Variants in HOMER2 observed in about 807,000 individuals in gnomAD.
The protein encoded by HOMER2 is homer scaffold protein 2, also known as homer protein homolog 2.
A neutral mutation model predicts 47.0 loss-of-function variants in HOMER2; 27 were observed. That is an observed-to-expected ratio of 0.57 (90% CI 0.42 to 0.79). The LOEUF (loss-of-function observed/expected upper bound fraction) is 0.79, where lower values mean the gene tolerates loss of function less well. HOMER2 is among the 30% of genes least tolerant of loss of function. The pLI, the probability that HOMER2 is intolerant of heterozygous loss-of-function variation, is 0.00. For missense variants in HOMER2, 443 were observed against 435.0 expected (o/e 1.02, Z -0.16); for synonymous variants, 161 against 163.8 (o/e 0.98, Z 0.13).
At chr15:82,861,689 T>C (rs917124490) in intron 4 of HOMER2, among the ~76,000 whole-genome samples, 3 of 152,166 alleles carry the variant, frequency 2.0e-5, no homozygotes, top group African/African-American at 4.8e-5. Context: ...GGAAACCAAG[T>C]AATTGTGTGA....
chr15:82,845,958 C>T (rs2051240924), downstream of HOMER2: 1 of 152,298 alleles, frequency 6.6e-6, no homozygotes, highest in African/African-American at 2.4e-5. Context: ...TAGTCCACAG[C>T]AGGCAGGCGC....
intron 1 of HOMER2, among the ~76,000 whole-genome samples, chr15:82,929,812 C>A (rs1410012425): frequency 6.6e-6 from 1 of 151,724 alleles, no homozygotes; most frequent in Non-Finnish European, 1.5e-5. Context: ...CTCACCTCAA[C>A]CTCCGCCTGC....
intron 5 of HOMER2, among the ~76,000 whole-genome samples, chr15:82,858,325 T>C (rs906426021): frequency 6.6e-6 from 1 of 152,150 alleles, no homozygotes; most frequent in Admixed American, 6.5e-5. Flanking sequence ...AGTCTCACTC[T>C]GTCATCCAAG....
intron 1 of HOMER2, among the ~76,000 whole-genome samples, chr15:82,895,826 C>T (rs2052892149): frequency 1.3e-5 from 2 of 152,218 alleles, no homozygotes; most frequent in African/African-American, 4.8e-5. Context: ...ACTAAAAATA[C>T]ATGTTCCCAG....
intron 1 of HOMER2, among the ~76,000 whole-genome samples, chr15:82,965,672 C>G (rs1473375199): frequency 1.3e-5 from 2 of 152,114 alleles, no homozygotes; most frequent in African/African-American, 4.8e-5. Flanking sequence ...TTGGTACCTC[C>G]TCTCAAAGGC....
chr15:82,954,298 AT>A (rs558798246), upstream of HOMER2, among the ~76,000 whole-genome samples: 1,646 of 149,226 alleles, frequency 0.011, 9 homozygotes, highest in Non-Finnish European at 0.017. Flanking sequence ...TATTTTTATT[AT>A]TTTTTTTTTG....
chr15:82,867,425 C>G (rs8038423), intron 3 of HOMER2, among the ~76,000 whole-genome samples: 2,099 of 148,710 alleles, frequency 0.014, 53 homozygotes, highest in African/African-American at 0.048. Context: ...ATATCTATAG[C>G]TAAGCTAGTA....
intron 1 of HOMER2, among the ~76,000 whole-genome samples, chr15:82,937,789 C>T (rs1006462494): frequency 7.9e-5 from 12 of 152,282 alleles, no homozygotes; most frequent in African/African-American, 2.2e-4. Flanking sequence ...ACTCCGAGTC[C>T]GATCAGGGTG....
intron 1 of HOMER2, among the ~76,000 whole-genome samples, chr15:82,940,218 A>T (rs1301496093): frequency 6.6e-6 from 1 of 151,808 alleles, no homozygotes; most frequent in Admixed American, 6.6e-5. Context: ...AAAGTATAAT[A>T]AAAAAAAGAA....
intron 4 of HOMER2, 31 bp downstream of exon 4, chr15:82,864,136 C>G: frequency 6.9e-7 from 1 of 1,453,992 alleles, no homozygotes; most frequent in Non-Finnish European, 9.6e-7. Context: ...ACCAACCCCA[C>G]TGGGATTTAC....
At chr15:82,938,257 C>T (rs1357182688) in intron 1 of HOMER2, among the ~76,000 whole-genome samples, 1 of 152,108 alleles carries the variant, frequency 6.6e-6, no homozygotes, top group African/African-American at 2.4e-5. Context: ...ACCTGTAATC[C>T]CAGCTACTCA....
At chr15:82,873,392 C>A (rs1055658176) in intron 3 of HOMER2, among the ~76,000 whole-genome samples, 3 of 152,200 alleles carry the variant, frequency 2.0e-5, no homozygotes, top group Non-Finnish European at 4.4e-5. Flanking sequence ...CCAAGTGAGG[C>A]TGCAGAGAAC....
intron 1 of HOMER2, among the ~76,000 whole-genome samples, chr15:82,969,093 A>G (rs183536966): frequency 7.0e-4 from 107 of 152,370 alleles, no homozygotes; most frequent in African/African-American, 2.4e-3. Context: ...GAGAAGCAGA[A>G]GAATTATCCA....
At chr15:82,873,690 G>T (rs1473494705) in intron 3 of HOMER2, among the ~76,000 whole-genome samples, 1 of 152,232 alleles carries the variant, frequency 6.6e-6, no homozygotes, top group African/African-American at 2.4e-5. Flanking sequence ...GAATGCTTCT[G>T]TAAGAGGGCG....
At chr15:82,922,476 C>G (rs1268448248) in intron 1 of HOMER2, among the ~76,000 whole-genome samples, 1 of 152,132 alleles carries the variant, frequency 6.6e-6, no homozygotes, top group African/African-American at 2.4e-5. Context: ...TAAACATGGG[C>G]ATTTGAAGGA....
intron 1 of HOMER2, among the ~76,000 whole-genome samples, chr15:82,930,373 T>G (rs2053975784): frequency 6.6e-6 from 1 of 152,238 alleles, no homozygotes; most frequent in Non-Finnish European, 1.5e-5. Context: ...CCGCCTGGCA[T>G]GACCTGACGT....
chr15:82,934,903 C>T (rs1236203059), intron 1 of HOMER2, among the ~76,000 whole-genome samples: 1 of 152,234 alleles, frequency 6.6e-6, no homozygotes, highest in African/African-American at 2.4e-5. Flanking sequence ...CCCTGTCCCC[C>T]ACTCACGCTC....
At chr15:82,977,108 T>C (rs1415482905) in intron 1 of HOMER2, among the ~76,000 whole-genome samples, 2 of 152,066 alleles carry the variant, frequency 1.3e-5, no homozygotes, top group Non-Finnish European at 1.5e-5. Flanking sequence ...AACACAAATA[T>C]TACATAAATG....
intron 2 of HOMER2, among the ~76,000 whole-genome samples, chr15:82,881,157 CAGAG>C: frequency 6.6e-6 from 1 of 152,338 alleles, no homozygotes; most frequent in East Asian, 1.9e-4. Flanking sequence ...AAAACTTTCA[CAGAG>C]AAAGAAGCCA....
Sources: gnomAD v4.1 joint callset for allele counts (sites outside exome capture counted in the v4.1 genomes callset) on GRCh38, gnomAD v4.1.1 for gene constraint, MANE v1.5 for transcripts, NCBI Gene and HGNC (gene_info 2026-07-23, HGNC 2026-07-21) for gene names.